FOXP1: variants seen among roughly 807,000 people sequenced by gnomAD.
The protein encoded by FOXP1 is forkhead box protein P1.
In FOXP1, 15 loss-of-function variants were observed where a neutral mutation model predicts 98.2. The ratio of observed to expected loss-of-function variants is 0.15; its 90% CI spans 0.10 to 0.24. The LOEUF (loss-of-function observed/expected upper bound fraction) is 0.24. FOXP1 is among the 10% of genes least tolerant of loss of function. The probability of loss-of-function intolerance (pLI) is 1.00; values close to 1 mark genes in which losing one functional copy is unlikely to be tolerated. For synonymous variants in FOXP1, 371 were observed against 314.5 expected, an observed-to-expected ratio of 1.18 and a Z score of -1.90; for missense variants, 633 against 848.5, an observed-to-expected ratio of 0.75 and a Z score of 3.15.
chr3:70,970,529 C>A, intron 19 of FOXP1: 2 of 565,490 alleles, frequency 3.5e-6, no homozygotes, highest in Non-Finnish European at 6.3e-6. Flanking sequence ...AATTTTTTTG[C>A]CACAATATTC....
At chr3:71,526,504 G>T (rs1038481259) in intron 2 of FOXP1, among the ~76,000 whole-genome samples, 8 of 152,168 alleles carry the variant, frequency 5.3e-5, no homozygotes, top group Non-Finnish European at 7.4e-5. Context: ...AATATAGTAA[G>T]GGAATTCCAT....
intron 7 of FOXP1, among the ~76,000 whole-genome samples, chr3:71,065,429 C>T (rs2052354526): frequency 6.6e-6 from 1 of 152,204 alleles, no homozygotes; most frequent in Non-Finnish European, 1.5e-5. Context: ...CGCAGGTCTC[C>T]TAGGCAGCGC....
At chr3:71,462,072 A>G (rs2088191079) in intron 3 of FOXP1, among the ~76,000 whole-genome samples, 1 of 152,174 alleles carries the variant, frequency 6.6e-6, no homozygotes, top group South Asian at 2.1e-4. Flanking sequence ...TGCCTTAAAT[A>G]GTTCACTAGT....
intron 3 of FOXP1, among the ~76,000 whole-genome samples, chr3:71,432,117 C>T (rs747205079): frequency 5.9e-5 from 9 of 152,194 alleles, no homozygotes; most frequent in African/African-American, 9.6e-5. Flanking sequence ...AGAAAGCAGA[C>T]GCTGACATCA....
intron 5 of FOXP1, among the ~76,000 whole-genome samples, chr3:71,241,232 CA>C (rs1427527230): frequency 7.1e-6 from 1 of 140,100 alleles, no homozygotes; most frequent in African/African-American, 2.7e-5. Flanking sequence ...CAAAACAAAA[CA>C]AAAAAACAAA....
intron 6 of FOXP1, among the ~76,000 whole-genome samples, chr3:71,145,184 A>G (rs1286655622): frequency 6.6e-6 from 1 of 152,194 alleles, no homozygotes; most frequent in Non-Finnish European, 1.5e-5. Flanking sequence ...CTTCTCTTCA[A>G]TACATATACA....
intron 2 of FOXP1, among the ~76,000 whole-genome samples, chr3:71,521,045 A>G (rs2042944239): frequency 6.6e-6 from 1 of 152,196 alleles, no homozygotes; most frequent in East Asian, 1.9e-4. Flanking sequence ...ATAATGGGGA[A>G]AAAGCCATGA....
intron 7 of FOXP1, among the ~76,000 whole-genome samples, chr3:71,086,653 T>C (rs2055128473): frequency 6.6e-6 from 1 of 152,226 alleles, no homozygotes; most frequent in South Asian, 2.1e-4. Context: ...TCCCAAGTTC[T>C]GTCTCACCGG....
intron 2 of FOXP1, among the ~76,000 whole-genome samples, chr3:71,551,932 A>AG (rs2045811355): frequency 6.6e-6 from 1 of 152,200 alleles, no homozygotes; most frequent in Non-Finnish European, 1.5e-5. Context: ...CATTCCCTCC[A>AG]GGAAGTGTTG....
chr3:71,115,318 T>TTTATTTA (rs2058284428), intron 6 of FOXP1, among the ~76,000 whole-genome samples: 1 of 2,040 alleles, frequency 4.9e-4, no homozygotes, highest in Non-Finnish European at 2.3e-3. Context: ...TTATTATTAT[T>TTTATTTA]TTATTTATTT....
chr3:71,204,003 T>C (rs1346520399), intron 5 of FOXP1, among the ~76,000 whole-genome samples: 1 of 142,630 alleles, frequency 7.0e-6, no homozygotes, highest in Non-Finnish European at 1.5e-5. Flanking sequence ...AGAATGTGAA[T>C]TTCACTGTGT....
chr3:71,439,642 A>G (rs2085719244), intron 3 of FOXP1, among the ~76,000 whole-genome samples: 4 of 152,228 alleles, frequency 2.6e-5, no homozygotes, highest in Admixed American at 2.6e-4. Context: ...AATATTATTC[A>G]GCCTTTAAAA....
intron 5 of FOXP1, among the ~76,000 whole-genome samples, chr3:71,261,231 A>G (rs1393578625): frequency 6.6e-6 from 1 of 152,202 alleles, no homozygotes; most frequent in Non-Finnish European, 1.5e-5. Context: ...GGTTTGGGCT[A>G]TATTCTCTAT....
At chr3:71,240,628 C>T (rs1026822183) in intron 5 of FOXP1, among the ~76,000 whole-genome samples, 4 of 152,000 alleles carry the variant, frequency 2.6e-5, no homozygotes, top group Admixed American at 6.5e-5. Context: ...CTGCAACCTC[C>T]GCCTCCGGGG....
chr3:71,481,537 TCCTA>T (rs1398314901), intron 3 of FOXP1, among the ~76,000 whole-genome samples: 2 of 152,214 alleles, frequency 1.3e-5, no homozygotes, highest in Non-Finnish European at 2.9e-5. Context: ...CTCTCCCACT[TCCTA>T]CCTTTTTTAT....
chr3:71,427,557 C>A (rs764549845), intron 3 of FOXP1, among the ~76,000 whole-genome samples: 1 of 152,216 alleles, frequency 6.6e-6, no homozygotes, highest in Non-Finnish European at 1.5e-5. Context: ...AACAAACACA[C>A]GTGATATGAT....
chr3:71,294,311 T>C (rs1450973299), intron 5 of FOXP1, among the ~76,000 whole-genome samples: 1 of 152,210 alleles, frequency 6.6e-6, no homozygotes, highest in African/African-American at 2.4e-5. Flanking sequence ...ACATGCCTGA[T>C]AACATTCACA....
At chr3:71,582,255 C>CT (rs1284839422) in intron 1 of FOXP1, 2 of 985,116 alleles carry the variant, frequency 2.0e-6, no homozygotes, top group African/African-American at 1.7e-5. Flanking sequence ...AAGAAGGAAT[C>CT]TAAGTTTCCG....
intron 5 of FOXP1, among the ~76,000 whole-genome samples, chr3:71,277,538 A>G (rs1416640958): frequency 6.6e-6 from 1 of 152,078 alleles, no homozygotes; most frequent in Non-Finnish European, 1.5e-5. Context: ...CATGCTCTAC[A>G]ATAGCCTCTT....
Sources: gnomAD v4.1 joint callset for allele counts (sites outside exome capture counted in the v4.1 genomes callset) on GRCh38, gnomAD v4.1.1 for gene constraint, MANE v1.5 for transcripts, NCBI Gene and HGNC (gene_info 2026-07-23, HGNC 2026-07-21) for gene names.